RBMS3: variants seen among roughly 807,000 people sequenced by gnomAD.
RBMS3 encodes the protein RNA binding motif single stranded interacting protein 3.
In RBMS3, 27 loss-of-function variants were observed where a neutral mutation model predicts 66.8. The observed-to-expected ratio is 0.40, with a 90% CI of 0.30 to 0.56. The LOEUF is 0.56. Ranked by LOEUF, RBMS3 falls within the 20% of genes least tolerant of loss-of-function variation. The probability of loss-of-function intolerance (pLI) is 0.40; values close to 1 mark genes in which losing one functional copy is unlikely to be tolerated. For synonymous variants in RBMS3, 188 were observed against 183.0 expected (o/e 1.03, Z -0.22); for missense variants, 513 against 549.5 (o/e 0.93, Z 0.66).
At chr3:29,722,106 C>A (rs2053666565) in intron 4 of RBMS3, among the ~76,000 whole-genome samples, 1 of 152,018 alleles carries the variant, frequency 6.6e-6, no homozygotes, top group African/African-American at 2.4e-5. Context: ...TCTTAAATTT[C>A]TTTTATAAGG....
chr3:29,468,026 C>T (rs1559385098), intron 2 of RBMS3, among the ~76,000 whole-genome samples: 1 of 152,122 alleles, frequency 6.6e-6, no homozygotes, highest in Non-Finnish European at 1.5e-5. Context: ...ACAGTTTAAT[C>T]TTTCAAGGAA....
At chr3:29,764,152 C>T (rs1465162361) in intron 6 of RBMS3, among the ~76,000 whole-genome samples, 1 of 151,918 alleles carries the variant, frequency 6.6e-6, no homozygotes, top group Non-Finnish European at 1.5e-5. Context: ...CAGAAAGACC[C>T]TTCAGACAGA....
intron 3 of RBMS3, among the ~76,000 whole-genome samples, chr3:29,585,242 C>T (rs2047475050): frequency 6.6e-6 from 1 of 152,140 alleles, no homozygotes; most frequent in South Asian, 2.1e-4. Context: ...CTCATCTTAA[C>T]TCATCAACTG....
intron 4 of RBMS3, among the ~76,000 whole-genome samples, chr3:29,711,285 G>C (rs2053155526): frequency 6.6e-6 from 1 of 152,142 alleles, no homozygotes. Flanking sequence ...CAGATAAGAG[G>C]AGACTAGCGT....
In RBMS3 at chr3:29,816,311, G is replaced by GACACACACAC. The variant is rs66518208; in HGVS notation, c.638-52517_638-52508dup. Among the ~76,000 whole-genome samples, 235 of 69,084 alleles carry GACACACACAC rather than the reference G, an allele frequency of 3.4e-3. 2 individuals carry two copies. The highest frequency in any genetic ancestry group is 4.7e-3 in the Non-Finnish European group (141 of 29,988). 45.3% of individuals were successfully genotyped at this position (69,084 alleles called of 152,430 possible). A position where few individuals can be genotyped will look rare whatever the true frequency, so the allele number is the denominator to read the frequency against. Reference sequence around the variant, plus strand: ...ACACAGACACACACAGACACACACAGACACACACACACACACACACACACA... The same window carrying GACACACACAC: ...ACACAGACACACACAGACACACACAGACACACACACACACACACACACACACACACACACA... On this transcript the variant is annotated intron_variant, in intron 6 of 14. Coordinates refer to ENST00000383767, the MANE Select transcript of RBMS3 (RefSeq NM_001003793.3).
chr3:29,443,905 T>C (rs2041720654), intron 2 of RBMS3, among the ~76,000 whole-genome samples: 1 of 152,146 alleles, frequency 6.6e-6, no homozygotes, highest in Admixed American at 6.5e-5. Flanking sequence ...AGCTTGAGCA[T>C]CTTGAGGGAT....
At chr3:29,604,408 C>G (rs978714820) in intron 4 of RBMS3, among the ~76,000 whole-genome samples, 3 of 151,882 alleles carry the variant, frequency 2.0e-5, no homozygotes, top group Non-Finnish European at 4.4e-5. Flanking sequence ...GCCTTTGTGA[C>G]ACTTCTATTT....
chr3:29,977,393 G>A (rs893842386), intron 12 of RBMS3, among the ~76,000 whole-genome samples: 1 of 152,132 alleles, frequency 6.6e-6, no homozygotes, highest in African/African-American at 2.4e-5. Context: ...GGAAAAGAGT[G>A]TAAATCTAGA....
intron 1 of RBMS3, among the ~76,000 whole-genome samples, chr3:29,415,934 C>T (rs2040460329): frequency 6.6e-6 from 1 of 152,052 alleles, no homozygotes; most frequent in East Asian, 1.9e-4. Flanking sequence ...CATGTAGAGC[C>T]ATCAGGAAAA....
chr3:29,304,309 G>A (rs1158480548), intron 1 of RBMS3, among the ~76,000 whole-genome samples: 1 of 151,952 alleles, frequency 6.6e-6, no homozygotes, highest in Admixed American at 6.6e-5. Flanking sequence ...ACATATTAAA[G>A]TAATGGTAAT....
intron 4 of RBMS3, among the ~76,000 whole-genome samples, chr3:29,607,998 G>C (rs2048367738): frequency 6.6e-6 from 1 of 151,776 alleles, no homozygotes; most frequent in Non-Finnish European, 1.5e-5. Context: ...TAATTTACAT[G>C]GTACGAGAAA....
At chr3:29,670,455 C>T (rs532548645) in intron 4 of RBMS3, among the ~76,000 whole-genome samples, 149 of 152,188 alleles carry the variant, frequency 9.8e-4, no homozygotes, top group Non-Finnish European at 1.6e-3. Flanking sequence ...GGCAGGGCAT[C>T]GCCTCACTCG....
At chr3:29,929,067 T>C (rs2061034442) in intron 10 of RBMS3, among the ~76,000 whole-genome samples, 1 of 152,218 alleles carries the variant, frequency 6.6e-6, no homozygotes. Flanking sequence ...GGAAAAAATA[T>C]AGTAACCCAT....
chr3:29,781,956 C>A (rs1206829026), intron 6 of RBMS3, among the ~76,000 whole-genome samples: 2 of 152,032 alleles, frequency 1.3e-5, no homozygotes, highest in Non-Finnish European at 2.9e-5. Flanking sequence ...GAGCCATATC[C>A]TCATCCCCCA....
intron 14 of RBMS3, among the ~76,000 whole-genome samples, chr3:29,992,517 T>C (rs903512231): frequency 6.6e-6 from 1 of 152,018 alleles, no homozygotes; most frequent in Admixed American, 6.6e-5. Flanking sequence ...GAGAATGGCG[T>C]GAACCCGGGA....
At chr3:29,897,263 T>C (rs1176337930) in intron 8 of RBMS3, 116 bp from the exon 9 acceptor site, 4 of 834,624 alleles carry the variant, frequency 4.8e-6, no homozygotes, top group African/African-American at 1.7e-5. Flanking sequence ...TGTTAATGGT[T>C]GGTGGAAAAA....
intron 4 of RBMS3, among the ~76,000 whole-genome samples, chr3:29,694,852 AT>A (rs146361034): frequency 2.1e-3 from 301 of 140,892 alleles, no homozygotes; most frequent in Non-Finnish European, 4.0e-3. Flanking sequence ...CTGCATGCAA[AT>A]TTTTTTTTAA....
chr3:29,561,951 G>GT (rs1436563407), intron 3 of RBMS3, among the ~76,000 whole-genome samples: 1 of 151,894 alleles, frequency 6.6e-6, no homozygotes, highest in African/African-American at 2.4e-5. Context: ...ACTTAAGTTT[G>GT]TTTTTTTAGA....
At chr3:29,983,428 T>C (rs962723622) in intron 12 of RBMS3, among the ~76,000 whole-genome samples, 2 of 152,178 alleles carry the variant, frequency 1.3e-5, no homozygotes, top group Non-Finnish European at 1.5e-5. Flanking sequence ...AAGGTTAATA[T>C]GGTTATGTGT....
Sources: allele counts gnomAD v4.1 joint callset (sites outside exome capture counted in the v4.1 genomes callset), GRCh38; gene constraint gnomAD v4.1.1; transcripts MANE v1.5; gene names NCBI Gene and HGNC (gene_info 2026-07-23, HGNC 2026-07-21).